Variants in ZMYM6 observed in about 807,000 individuals in gnomAD.
The protein encoded by ZMYM6 is zinc finger MYM-type protein 6.
In ZMYM6, 90 loss-of-function variants were observed where a neutral mutation model predicts 134.0. The observed-to-expected ratio is 0.67, with a 90% CI of 0.57 to 0.80. ZMYM6 has a LOEUF of 0.80. Among genes scored for constraint, ZMYM6 ranks in the 30% least tolerant of loss-of-function variants. The pLI, the probability that ZMYM6 is intolerant of heterozygous loss-of-function variation, is 0.00. For synonymous variants in ZMYM6, 481 were observed against 524.1 expected (o/e 0.92, Z 1.12); for missense variants, 1,362 against 1,533.9 (o/e 0.89, Z 1.87).
At chr1:34,989,127 A>G in intron 15 of ZMYM6, 192 bp from the exon 16 acceptor site, 10 of 1,379,018 alleles carry the variant, frequency 7.3e-6, no homozygotes, top group Non-Finnish European at 9.3e-6. Flanking sequence ...TCCTTTGCCC[A>G]AAGCTTGATC....
intron 14 of ZMYM6, 68 bp from the exon 15 acceptor site, chr1:34,992,455 C>G (rs1458414879): frequency 1.3e-6 from 2 of 1,506,132 alleles, no homozygotes; most frequent in East Asian, 4.6e-5. Flanking sequence ...ACTATAATTG[C>G]TATCAATTGA....
In ZMYM6 at chr1:34,987,607, G is replaced by C. The variant is rs764732403; in HGVS notation, c.3475C>G (p.Gln1159Glu). 3.5e-5 allele frequency: 56 copies of C among 1,610,426 alleles called. No individual in the cohort carries two copies. The highest frequency in any genetic ancestry group is 4.6e-5 in the Non-Finnish European group (54 of 1,178,052). ...RKLKMWLKRT[Q>E]ENDYDMFPSF... The stretch of plus-strand genomic sequence containing the variant: ...GGGAACATGTCATAATCATTCTCTT[G>C]TGTGCGCTTCAACCACATTTTTAAC... The change falls in exon 16 of 16, where the codon CAA becomes GAA. Residue 1159 changes from glutamine to glutamate, a missense_variant. Transcript: ENST00000357182.
Position 35,014,743 on chromosome 1 carries a change from T to C in ZMYM6, c.749A>G (p.Gln250Arg), listed in dbSNP as rs1213002978. The change falls in exon 6 of 16, where the codon CAA (glutamine) becomes CGA (arginine). Residue 250 changes from glutamine (Q) to arginine (R), a missense_variant. Transcript: ENST00000357182. ...SYCYSSSGPC[Q>R]SQKVFSSTSV... ...TGTTGAACTAAAAACCTTCTGGGAT[T>C]GGCAAGGACCAGAGCTACTATAGCA... 2.5e-5 allele frequency: 40 copies of C among 1,614,014 alleles called. No homozygotes were observed. The highest frequency in any genetic ancestry group is 3.2e-5 in the Non-Finnish European group (38 of 1,180,024).
At chr1:35,013,883 G>C (rs891640418) in intron 6 of ZMYM6, among the ~76,000 whole-genome samples, 26 of 152,190 alleles carry the variant, frequency 1.7e-4, no homozygotes, top group Non-Finnish European at 3.1e-4. Flanking sequence ...GTACAGACAG[G>C]GTTTCACCAT....
At chr1:35,000,750 A>T (rs1305671190) in intron 14 of ZMYM6, among the ~76,000 whole-genome samples, 2 of 152,234 alleles carry the variant, frequency 1.3e-5, no homozygotes, top group African/African-American at 4.8e-5. Flanking sequence ...CTAAAAGAAC[A>T]CATGCTAAAC....
intron 15 of ZMYM6, chr1:34,990,041 T>C (rs1640644778): frequency 6.5e-6 from 1 of 153,004 alleles, no homozygotes; most frequent in Non-Finnish European, 1.5e-5. Flanking sequence ...GTATTGACTG[T>C]ACTGTATATT....
At position 35,014,885 on chromosome 1, in the gene ZMYM6, G is replaced by A; in HGVS notation, c.607C>T (p.Arg203Ter). 4 of 1,613,758 alleles carry A rather than the reference G, an allele frequency of 2.5e-6. No individual in the cohort carries two copies. The highest frequency in any genetic ancestry group is 3.4e-6 in the Non-Finnish European group (4 of 1,179,868). The change falls in exon 6 of 16, where the codon CGA becomes TGA. Residue 203 changes from arginine to a stop codon, truncating the protein, a stop_gained. Coordinates refer to ENST00000357182, the MANE Select transcript of ZMYM6 (RefSeq NM_007167.4). LOFTEE classifies it high-confidence loss of function. ...CSMCQKNADT[R>*]FEVKYQNVVH... ...ACATTTTGATATTTAACTTCAAATC[G>A]AGTCTAGGAAATAAACACACACATA... is the stretch of plus-strand genomic sequence containing the variant.
intron 14 of ZMYM6, among the ~76,000 whole-genome samples, chr1:34,995,005 A>G (rs1640751624): frequency 1.4e-5 from 2 of 145,366 alleles, no homozygotes; most frequent in South Asian, 4.2e-4. Context: ...ATATATGTAT[A>G]CATATATACT....
At chr1:35,015,293 A>G in intron 4 of ZMYM6, 131 bp from the exon 5 acceptor site, 1 of 873,304 alleles carries the variant, frequency 1.1e-6, no homozygotes. Flanking sequence ...GAATCTGCAA[A>G]CCTGGGTTTG....
chr1:35,005,024 C>T (rs1223893615), intron 13 of ZMYM6, 108 bp downstream of exon 13: 1 of 1,372,362 alleles, frequency 7.3e-7, no homozygotes, highest in Non-Finnish European at 1.0e-6. Context: ...CGCCATTGCA[C>T]TCCAGCCTGG....
chr1:34,992,050 T>C (rs769678680), intron 15 of ZMYM6, 184 bp downstream of exon 15: 4 of 750,786 alleles, frequency 5.3e-6, no homozygotes, highest in South Asian at 1.5e-5. Context: ...CTTGTTATGA[T>C]AGCTGGTTAT....
rs765736058 is a variant in ZMYM6, at chr1:35,015,136, A to G, written c.455T>C (p.Ile152Thr). Residue 152 changes from isoleucine to threonine, a missense_variant, in exon 5 of 16, where the codon ATC becomes ACC. By Grantham distance (89) the Ile-to-Thr change is moderately conservative. Around this residue, in one of 3 missense-constraint regions of ZMYM6, gnomAD observed 503 missense variants for 520.8 expected, o/e 0.97. Transcript: ENST00000357182. Reference sequence around the variant, plus strand: ...ATAGGAATTCTCAAAGCGAGTTGTGATCACATCCTTAGGATTTAAAATGTC... The same window carrying G: ...ATAGGAATTCTCAAAGCGAGTTGTGGTCACATCCTTAGGATTTAAAATGTC... ...SKDILNPKDV[I>T]TTRFENSYPS... 15 of 1,608,046 alleles carry G rather than the reference A, an allele frequency of 9.3e-6. No homozygotes were observed. Among genetic ancestry groups the G allele is most frequent in the African/African-American group, 6.7e-5 (5 of 74,418 alleles).
intron 4 of ZMYM6, among the ~76,000 whole-genome samples, chr1:35,016,484 CCT>C (rs2148456497): frequency 6.6e-6 from 1 of 152,094 alleles, no homozygotes; most frequent in East Asian, 1.9e-4. Context: ...ATAGCAATAC[CCT>C]GGTAAAACAG....
intron 10 of ZMYM6, 56 bp from the exon 11 acceptor site, chr1:35,008,980 TATA>T (rs1159234726): frequency 1.6e-5 from 24 of 1,543,100 alleles, no homozygotes; most frequent in Middle Eastern, 1.7e-4. Context: ...ACTGAGGAGG[TATA>T]ATAAGTTTCT....
intron 13 of ZMYM6, among the ~76,000 whole-genome samples, chr1:35,004,392 G>A (rs946865193): frequency 1.3e-5 from 2 of 151,890 alleles, no homozygotes; most frequent in Non-Finnish European, 2.9e-5. Context: ...AGGCCAAGGC[G>A]GGAGGCCAGG....
intron 2 of ZMYM6, among the ~76,000 whole-genome samples, chr1:35,021,395 T>C (rs12063523): frequency 0.059 from 9,043 of 152,086 alleles, 579 homozygotes; most frequent in East Asian, 0.38. Flanking sequence ...TCCGCCCACT[T>C]TGGCCTCCCA....
At chr1:35,028,216 T>G (rs1641449286) in intron 2 of ZMYM6, among the ~76,000 whole-genome samples, 1 of 151,218 alleles carries the variant, frequency 6.6e-6, no homozygotes, top group South Asian at 2.1e-4. Context: ...CTCAGGAGGC[T>G]GAGGCAGGAG....
intron 12 of ZMYM6, among the ~76,000 whole-genome samples, chr1:35,006,023 TGA>T (rs1156843015): frequency 3.3e-5 from 5 of 152,178 alleles, no homozygotes; most frequent in Admixed American, 2.6e-4. Context: ...CTTTTTTTTC[TGA>T]GAGAGAGAAT....
At chr1:34,996,400 GTTTC>G (rs1247206895) in intron 14 of ZMYM6, among the ~76,000 whole-genome samples, 2 of 151,980 alleles carry the variant, frequency 1.3e-5, no homozygotes, top group African/African-American at 4.8e-5. Flanking sequence ...TTCTATGAAT[GTTTC>G]TTTAACAGAT....
Sources: allele counts gnomAD v4.1 joint callset (sites outside exome capture counted in the v4.1 genomes callset), GRCh38; gene constraint gnomAD v4.1.1; regional missense constraint gnomAD v4.1.1; transcripts MANE v1.5; gene names NCBI Gene and HGNC (gene_info 2026-07-23, HGNC 2026-07-21).